The following FBXO11 variants were observed in gnomAD, a reference collection of about 807,000 sequenced individuals.
FBXO11 encodes F-box protein 11.
In FBXO11, 13 loss-of-function variants were observed where a neutral mutation model predicts 117.0. The ratio of observed to expected loss-of-function variants is 0.11; its 90% CI spans 0.07 to 0.18. FBXO11 has a LOEUF of 0.18. Ranked by LOEUF, FBXO11 falls within the 10% of genes least tolerant of loss-of-function variation. The probability of loss-of-function intolerance (pLI) is 1.00; values close to 1 mark genes in which losing one functional copy is unlikely to be tolerated. For missense variants in FBXO11, 767 were observed against 1,164.4 expected (o/e 0.66, Z 4.97); for synonymous variants, 490 against 380.5 (o/e 1.29, Z -3.35).
chr2:47,857,552 C>A (rs1247035357), intron 1 of FBXO11, among the ~76,000 whole-genome samples: 1 of 151,996 alleles, frequency 6.6e-6, no homozygotes, highest in Non-Finnish European at 1.5e-5. Context: ...TACATAGAAG[C>A]TTAGAAAATC....
intron 11 of FBXO11, 143 bp downstream of exon 11, chr2:47,832,206 A>G: frequency 1.6e-6 from 1 of 628,692 alleles, no homozygotes; most frequent in Non-Finnish European, 2.6e-6. Context: ...TTTCATATTA[A>G]TTTTAAAAAA....
intron 1 of FBXO11, among the ~76,000 whole-genome samples, chr2:47,858,530 A>C (rs1033927267): frequency 1.7e-4 from 26 of 150,706 alleles, no homozygotes; most frequent in African/African-American, 4.9e-5. Flanking sequence ...AAAAATACAA[A>C]AATTAGCTGG....
At chr2:47,858,136 C>T (rs919282925) in intron 1 of FBXO11, among the ~76,000 whole-genome samples, 7 of 151,844 alleles carry the variant, frequency 4.6e-5, no homozygotes, top group Admixed American at 2.0e-4. Context: ...GGCGGAGCCT[C>T]ACTCTGTTGC....
At position 47,832,821 on chromosome 2, in the gene FBXO11, T is replaced by A. The variant is rs377417352; in HGVS notation, c.1101A>T (p.Thr367=). The A allele has an allele frequency of 6.2e-7, 1 of 1,614,080 alleles. No individual in the cohort carries two copies. Among genetic ancestry groups the A allele is most frequent in the Non-Finnish European group, 8.5e-7 (1 of 1,179,950 alleles). ...GATCAATAATAGGGCTACAATTTAC[T>A]GTAATCTCTAAGCAGTGGTGTGCAT... The part of the protein sequence containing the change: ...HHNAHHCLEI[T]VNCSPIIDHC... Residue 367 remains threonine, a synonymous_variant, in exon 9 of 23, where the codon ACA becomes ACT. Coordinates refer to ENST00000403359, the MANE Select transcript of FBXO11 (RefSeq NM_001190274.2).
intron 1 of FBXO11, among the ~76,000 whole-genome samples, chr2:47,857,275 C>T (rs536015759): frequency 6.6e-6 from 1 of 152,132 alleles, no homozygotes; most frequent in East Asian, 1.9e-4. Flanking sequence ...CATTAATGAG[C>T]AAGAAGGTAT....
intron 7 of FBXO11, among the ~76,000 whole-genome samples, chr2:47,834,012 G>A (rs1040018864): frequency 7.2e-5 from 11 of 152,046 alleles, no homozygotes; most frequent in Non-Finnish European, 1.2e-4. Flanking sequence ...ATTTTTCTTC[G>A]TTTAATGAAT....
intron 1 of FBXO11, among the ~76,000 whole-genome samples, chr2:47,898,990 G>A (rs1677887917): frequency 1.3e-5 from 2 of 151,940 alleles, no homozygotes; most frequent in Non-Finnish European, 2.9e-5. Context: ...ATTGGTATAA[G>A]GGGGCCAGGC....
chr2:47,813,137 T>C, intron 18 of FBXO11, 97 bp downstream of exon 18: 1 of 1,211,602 alleles, frequency 8.3e-7, no homozygotes, highest in African/African-American at 1.5e-5. Context: ...TGAGATTCAC[T>C]CATTTATAAC....
chr2:47,881,714 T>C (rs1227960334), intron 1 of FBXO11, among the ~76,000 whole-genome samples: 1 of 152,066 alleles, frequency 6.6e-6, no homozygotes, highest in Non-Finnish European at 1.5e-5. Flanking sequence ...GTATACAATA[T>C]TAACATTATA....
chr2:47,845,127 C>T (rs1209257321), intron 1 of FBXO11, among the ~76,000 whole-genome samples: 2 of 152,112 alleles, frequency 1.3e-5, no homozygotes, highest in Non-Finnish European at 2.9e-5. Flanking sequence ...ATCTGTGGAC[C>T]TTATTACTAC....
intron 14 of FBXO11, 57 bp downstream of exon 14, chr2:47,820,305 C>T: frequency 7.2e-7 from 1 of 1,391,016 alleles, no homozygotes; most frequent in East Asian, 2.3e-5. Flanking sequence ...AGGAGAAACC[C>T]TTTATCCCCC....
rs186949549 is a variant in FBXO11, at chr2:47,814,906, C to A, written c.2007-1039G>T. On this transcript the variant is annotated intron_variant, in intron 16 of 22. Coordinates refer to ENST00000403359, the MANE Select transcript of FBXO11 (RefSeq NM_001190274.2). ...ATTTCAACTATGTTCACAGCATCTT[C>A]AACAGGAACAGACCCCACCTCAAGA... 3.9e-5 allele frequency among the ~76,000 whole-genome samples: 6 copies of A among 152,306 alleles called. No individual in the cohort carries two copies. The East Asian group carries it at 1.2e-3, about 29-fold the overall frequency.
At position 47,834,883 on chromosome 2, in the gene FBXO11, A is replaced by G; in HGVS notation, c.718-12T>C. On this transcript the variant is annotated splice_polypyrimidine_tract_variant and intron_variant, in intron 5 of 22. Coordinates refer to ENST00000403359, the MANE Select transcript of FBXO11 (RefSeq NM_001190274.2). ...TGTGCACCTTTATACTAAAATGTCA[A>G]AAACAAAACAAAACCATTGACTACT... The G allele has an allele frequency of 1.3e-6, 2 of 1,582,534 alleles. No individual in the cohort carries two copies. Among genetic ancestry groups the G allele is most frequent in the South Asian group, 1.1e-5 (1 of 89,160 alleles).
At chr2:47,829,546 G>A (rs1672026735) in intron 11 of FBXO11, among the ~76,000 whole-genome samples, 1 of 152,106 alleles carries the variant, frequency 6.6e-6, no homozygotes. Flanking sequence ...GGCCTGCTAT[G>A]ACATTTTAAT....
intron 16 of FBXO11, 73 bp from the exon 17 acceptor site, chr2:47,813,940 CAG>C: frequency 3.5e-6 from 4 of 1,141,830 alleles, no homozygotes; most frequent in African/African-American, 1.5e-5. Flanking sequence ...GTGAGGTAAA[CAG>C]TGGAGAAATC....
chr2:47,810,671 G>GTCTC (rs1670549303), intron 18 of FBXO11: 3 of 364,548 alleles, frequency 8.2e-6, no homozygotes, highest in East Asian at 4.7e-5. Context: ...CAGGGTCCAT[G>GTCTC]TCTAAGTTTA....
At chr2:47,849,326 A>G (rs1206137450) in intron 1 of FBXO11, among the ~76,000 whole-genome samples, 2 of 152,264 alleles carry the variant, frequency 1.3e-5, no homozygotes, top group African/African-American at 4.8e-5. Context: ...TTTTATAGTT[A>G]CATTTTAAAA....
At chr2:47,845,524 A>T (rs1313481854) in intron 1 of FBXO11, among the ~76,000 whole-genome samples, 2 of 152,202 alleles carry the variant, frequency 1.3e-5, no homozygotes, top group Non-Finnish European at 2.9e-5. Context: ...TAAGTTGGCT[A>T]CTACTGTGAT....
intron 19 of FBXO11, 170 bp downstream of exon 19, chr2:47,810,146 G>A (rs573134771): frequency 1.8e-6 from 1 of 558,824 alleles, no homozygotes; most frequent in Admixed American, 3.5e-5. Context: ...GCTTAGAGTA[G>A]AAGAATCCAG....
Sources: allele counts gnomAD v4.1 joint callset (sites outside exome capture counted in the v4.1 genomes callset), GRCh38; gene constraint gnomAD v4.1.1; transcripts MANE v1.5; gene names NCBI Gene and HGNC (gene_info 2026-07-23, HGNC 2026-07-21).